Variants in TNFRSF21 observed in about 807,000 individuals in gnomAD.
The protein encoded by TNFRSF21 is tumor necrosis factor receptor superfamily member 21.
A neutral mutation model predicts 45.6 loss-of-function variants in TNFRSF21; 19 were observed. The observed-to-expected ratio is 0.42, with a 90% confidence interval of 0.29 to 0.61. The LOEUF (loss-of-function observed/expected upper bound fraction) is 0.61, where lower values mean the gene tolerates loss of function less well. TNFRSF21 is among the 20% of genes least tolerant of loss of function. TNFRSF21 has a pLI of 0.23. For missense variants in TNFRSF21, 737 were observed against 851.5 expected, an observed-to-expected ratio of 0.87 and a Z score of 1.67; for synonymous variants, 314 against 335.5, an observed-to-expected ratio of 0.94 and a Z score of 0.70.
At chr6:47,256,603 T>C (rs551363217) in intron 3 of TNFRSF21, among the ~76,000 whole-genome samples, 22 of 152,336 alleles carry the variant, frequency 1.4e-4, no homozygotes, top group South Asian at 4.1e-4. Flanking sequence ...CAGTTTTCCC[T>C]GGCAGTGTGA....
intron 4 of TNFRSF21, among the ~76,000 whole-genome samples, chr6:47,239,281 A>C (rs546780365): frequency 3.8e-4 from 43 of 113,700 alleles, no homozygotes; most frequent in African/African-American, 1.5e-3. Flanking sequence ...GCAAGACTCC[A>C]TCTCAAAAAA....
intron 1 of TNFRSF21, 117 bp from the exon 2 acceptor site, chr6:47,286,712 C>A (rs965998163): frequency 2.7e-5 from 30 of 1,124,998 alleles, no homozygotes; most frequent in African/African-American, 4.7e-5. Flanking sequence ...GTTAAAGATC[C>A]GACCAGGACT....
At chr6:47,236,730 C>T (rs143922673) in intron 4 of TNFRSF21, among the ~76,000 whole-genome samples, 18 of 152,302 alleles carry the variant, frequency 1.2e-4, no homozygotes, top group Non-Finnish European at 1.5e-4. Flanking sequence ...GGCCCTGGCG[C>T]ATGCCCCTCC....
intron 3 of TNFRSF21, among the ~76,000 whole-genome samples, chr6:47,269,098 T>C (rs368260701): frequency 1.3e-5 from 2 of 152,086 alleles, no homozygotes; most frequent in East Asian, 3.9e-4. Flanking sequence ...CCATGTGACT[T>C]TGGGCAAGTC....
intron 1 of TNFRSF21, among the ~76,000 whole-genome samples, chr6:47,306,430 C>A (rs1762940261): frequency 6.6e-6 from 1 of 152,200 alleles, no homozygotes; most frequent in South Asian, 2.1e-4. Flanking sequence ...GTCCTGGGTT[C>A]TGGCCCCAGC....
At position 47,284,079 on chromosome 6, in the gene TNFRSF21, ACACCACAAT is replaced by A. The variant is rs1561949051; in HGVS notation, c.1093_1101del (p.Ile365_Val367del). 1 of 1,614,194 alleles carries A rather than the reference ACACCACAAT, an allele frequency of 6.2e-7. No homozygotes were observed. The highest frequency in any genetic ancestry group is 1.7e-5 in the Admixed American group (1 of 60,026). Reference sequence around the variant, plus strand: ...GTCCTCGAGCTTTTCCGGATACTGCACACCACAATCACCACAAGCACCAGCAGCAGGAAA... The same window carrying A: ...GTCCTCGAGCTTTTCCGGATACTGCACACCACAAGCACCAGCAGCAGGAAA... On this transcript the variant is annotated inframe_deletion, in exon 3 of 6. Transcript: ENST00000296861.
intron 1 of TNFRSF21, among the ~76,000 whole-genome samples, chr6:47,308,085 T>C (rs1762965434): frequency 6.6e-6 from 1 of 152,262 alleles, no homozygotes; most frequent in Non-Finnish European, 1.5e-5. Context: ...ATATAAACCT[T>C]GGCCATGCCA....
At chr6:47,240,139 C>T (rs1253585867) in intron 4 of TNFRSF21, among the ~76,000 whole-genome samples, 1 of 152,142 alleles carries the variant, frequency 6.6e-6, no homozygotes, top group African/African-American at 2.4e-5. Flanking sequence ...TACCACCAGG[C>T]CCCTTTTCCC....
chr6:47,272,880 A>G (rs1355230422), intron 3 of TNFRSF21, among the ~76,000 whole-genome samples: 1 of 152,244 alleles, frequency 6.6e-6, no homozygotes, highest in Non-Finnish European at 1.5e-5. Flanking sequence ...AGAATACTAT[A>G]AACACCTCTA....
chr6:47,291,339 C>T (rs1376879021), intron 1 of TNFRSF21, among the ~76,000 whole-genome samples: 2 of 152,072 alleles, frequency 1.3e-5, no homozygotes, highest in Non-Finnish European at 2.9e-5. Context: ...TATAATTGCA[C>T]CTGTGAATCA....
At chr6:47,261,033 C>G (rs962960842) in intron 3 of TNFRSF21, among the ~76,000 whole-genome samples, 1 of 152,184 alleles carries the variant, frequency 6.6e-6, no homozygotes, top group Admixed American at 6.5e-5. Flanking sequence ...ACACAGCAGT[C>G]TCCTGAGATG....
chr6:47,287,307 CAAAAAAAA>C (rs1164380285), intron 1 of TNFRSF21, among the ~76,000 whole-genome samples: 18 of 20,874 alleles, frequency 8.6e-4, no homozygotes, highest in South Asian at 2.2e-3. Flanking sequence ...AACTCTTTCT[CAAAAAAAA>C]AAAAAAAAAA....
At position 47,244,096 on chromosome 6, in the gene TNFRSF21, C is replaced by T. The variant is rs374165298; in HGVS notation, c.1509+9160G>A. ...CAGCACTTCGGGAGGCCGAGGCGGG[C>T]GGATCACAAGGTCAGGAGATAGAGA... is the stretch of plus-strand genomic sequence containing the variant. On this transcript the variant is annotated intron_variant, in intron 4 of 5. Coordinates refer to ENST00000296861, the MANE Select transcript of TNFRSF21 (RefSeq NM_014452.5). Among the ~76,000 whole-genome samples the T allele has an allele frequency of 9.2e-5, 14 of 152,138 alleles. No individual in the cohort carries two copies. In the East Asian group the frequency reaches 1.2e-3, roughly 13 times the overall value.
At chr6:47,241,853 TTTC>T (rs1167743490) in intron 4 of TNFRSF21, among the ~76,000 whole-genome samples, 1 of 152,210 alleles carries the variant, frequency 6.6e-6, no homozygotes, top group South Asian at 2.1e-4. Context: ...TCTTTCCTTC[TTTC>T]TTCTTCTCCT....
chr6:47,265,294 A>T (rs752684397), intron 3 of TNFRSF21, among the ~76,000 whole-genome samples: 3 of 152,204 alleles, frequency 2.0e-5, no homozygotes, highest in Non-Finnish European at 2.9e-5. Flanking sequence ...ACTGTTGATG[A>T]CAATTTTGTA....
chr6:47,261,373 C>A (rs1765071211), intron 3 of TNFRSF21, among the ~76,000 whole-genome samples: 1 of 152,190 alleles, frequency 6.6e-6, no homozygotes, highest in Non-Finnish European at 1.5e-5. Flanking sequence ...CAGAGGAATA[C>A]CACAAATATC....
chr6:47,306,711 C>T (rs1582367571), intron 1 of TNFRSF21, among the ~76,000 whole-genome samples: 1 of 151,770 alleles, frequency 6.6e-6, no homozygotes, highest in African/African-American at 2.4e-5. Flanking sequence ...TGCAGTTAGC[C>T]GGTCATGACA....
rs180839848 is a variant in TNFRSF21, at chr6:47,265,344, A to G, written c.1244-11823T>C. Among the ~76,000 whole-genome samples, 24 of 152,322 alleles carry G rather than the reference A, an allele frequency of 1.6e-4. No homozygotes were observed. The East Asian group carries it at 3.5e-3, about 22-fold the overall frequency. ...GAACAAGCTGGGCTTTGCTAAGGTA[A>G]TAATTTTTTTCTTGACTGAGCACAG... is the stretch of plus-strand genomic sequence containing the variant. On this transcript the variant is annotated intron_variant, in intron 3 of 5. Coordinates refer to ENST00000296861, the MANE Select transcript of TNFRSF21 (RefSeq NM_014452.5).
At position 47,284,001 on chromosome 6, in the gene TNFRSF21, G is replaced by T; in HGVS notation, c.1180C>A (p.Leu394Met). 1 of 1,614,160 alleles carries T rather than the reference G, an allele frequency of 6.2e-7. No individual in the cohort carries two copies. The highest frequency in any genetic ancestry group is 1.1e-5 in the South Asian group (1 of 91,074). ...TGGGTTGGAGTCATGGATTTCTTCA[G>T]CCCTGCCTTTTCCACAATGGCACTG... Reference protein sequence around the residue: ...DPSAIVEKAGLKKSMTPTQNR... With the variant: ...DPSAIVEKAGMKKSMTPTQNR... The change falls in exon 3 of 6, where the codon CTG (leucine) becomes ATG (methionine). Residue 394 changes from leucine to methionine, a missense_variant. By Grantham distance (15) the Leu-to-Met change is conservative. Coordinates refer to ENST00000296861, the MANE Select transcript of TNFRSF21 (RefSeq NM_014452.5).
Sources: allele counts gnomAD v4.1 joint callset (sites outside exome capture counted in the v4.1 genomes callset), GRCh38; gene constraint gnomAD v4.1.1; transcripts MANE v1.5; gene names NCBI Gene and HGNC (gene_info 2026-07-23, HGNC 2026-07-21).